The following LUC7L3 variants were observed in gnomAD, a reference collection of about 807,000 sequenced individuals.
LUC7L3 encodes luc7-like protein 3.
Under a neutral mutation model 66.8 loss-of-function variants are expected in LUC7L3, and 6 were observed. The observed-to-expected ratio is 0.09, with a 90% confidence interval of 0.05 to 0.18. The LOEUF (loss-of-function observed/expected upper bound fraction) is 0.18. Among genes scored for constraint, LUC7L3 ranks in the 10% least tolerant of loss-of-function variants. The probability of loss-of-function intolerance (pLI) is 1.00; values close to 1 mark genes in which losing one functional copy is unlikely to be tolerated. For synonymous variants in LUC7L3, 160 were observed against 174.7 expected (o/e 0.92, Z 0.66); for missense variants, 341 against 531.1 (o/e 0.64, Z 3.52).
At position 50,754,783 on chromosome 17, in the gene LUC7L3, G is replaced by A. The variant is rs761024104; in HGVS notation, c.*4122G>A. On this transcript the variant is annotated 3_prime_UTR_variant, in exon 10 of 10. Transcript: ENST00000505658. ...TTTACTCCCTCTCCTTAGGCATTCT[G>A]GTTCCTTAAATATAGTTAGTGTCAC... 4 of 152,002 alleles carry A rather than the reference G, an allele frequency of 2.6e-5. No individual in the cohort carries two copies. Among genetic ancestry groups the A allele is most frequent in the African/African-American group, 4.8e-5 (2 of 41,356 alleles). The allele number at this position is 152,002 out of a possible 1,614,324, so 9.4% of individuals were successfully genotyped here.
In LUC7L3 at chr17:50,751,465, A is replaced by G; in HGVS notation, c.*804A>G. 2 of 1,244,880 alleles carry G rather than the reference A, an allele frequency of 1.6e-6. No individual in the cohort carries two copies. The highest frequency in any genetic ancestry group is 1.0e-6 in the Non-Finnish European group (1 of 965,124). 77.1% of individuals were successfully genotyped at this position (1,244,880 alleles called of 1,614,324 possible). On this transcript the variant is annotated 3_prime_UTR_variant, in exon 10 of 10. Coordinates refer to ENST00000505658, the MANE Select transcript of LUC7L3 (RefSeq NM_016424.5). ...TTGTGTATCTTTTTTGTTCTTTACA[A>G]GAAGTGCAGAGGGGTTTTTTGTGTA...
rs1166376467 is a variant in LUC7L3 at position 50,752,158 on chromosome 17, ATGT to A, written c.*1501_*1503del. Reference sequence around the variant, plus strand: ...TTTCTCATAAAAATTGGCCTTTTACATGTTGTCTAATTATCATTTTTCCCCAAA... The same window carrying A: ...TTTCTCATAAAAATTGGCCTTTTACATGTCTAATTATCATTTTTCCCCAAA... On this transcript the variant is annotated 3_prime_UTR_variant, in exon 10 of 10. Transcript: ENST00000505658. The A allele has an allele frequency of 4.7e-6, 6 of 1,277,632 alleles. No individual in the cohort carries two copies. In the African/African-American group the frequency reaches 7.7e-5, roughly 16 times the overall value. The allele number at this position is 1,277,632 out of a possible 1,614,324, so 79.1% of individuals were successfully genotyped here.
intron 2 of LUC7L3, 52 bp from the exon 3 acceptor site, chr17:50,740,254 A>G: frequency 1.5e-6 from 2 of 1,350,442 alleles, no homozygotes; most frequent in African/African-American, 1.5e-5. Context: ...TTTGGCAAGA[A>G]AAGGTTGCTA....
Position 50,750,885 on chromosome 17 carries a change from G to C in LUC7L3, c.*224G>C. ...GTTTTGTCTCAGCTATTTTGTAGCAGACTCGTGCCCCCATTAGTGTGCCTC... is the reference window on the plus strand; with the variant it reads ...GTTTTGTCTCAGCTATTTTGTAGCACACTCGTGCCCCCATTAGTGTGCCTC... On this transcript the variant is annotated 3_prime_UTR_variant, in exon 10 of 10. Coordinates refer to ENST00000505658, the MANE Select transcript of LUC7L3 (RefSeq NM_016424.5). 6.5e-7 allele frequency: 1 copy of C among 1,536,304 alleles called. No homozygotes were observed. Among genetic ancestry groups the C allele is most frequent in the Non-Finnish European group, 8.7e-7 (1 of 1,146,880 alleles).
chr17:50,743,655 T>C (rs1475704559), intron 5 of LUC7L3, 51 bp from the exon 6 acceptor site: 1 of 1,166,610 alleles, frequency 8.6e-7, no homozygotes, highest in African/African-American at 1.5e-5. Context: ...AAAAAGACAA[T>C]AGTTGGGTTT....
chr17:50,728,373 T>C (rs907611947), intron 1 of LUC7L3, among the ~76,000 whole-genome samples: 8 of 152,328 alleles, frequency 5.3e-5, no homozygotes, highest in Admixed American at 5.2e-4. Context: ...CTATATGTTA[T>C]CAGGGACATA....
At chr17:50,748,899 A>G (rs1970844330) in intron 9 of LUC7L3, among the ~76,000 whole-genome samples, 1 of 148,582 alleles carries the variant, frequency 6.7e-6, no homozygotes. Context: ...AAAAAAAAAA[A>G]TACAGAAAAG....
chr17:50,721,959 A>T (rs1267578172), intron 1 of LUC7L3: 1 of 151,854 alleles, frequency 6.6e-6, no homozygotes, highest in African/African-American at 2.4e-5. Flanking sequence ...GGAAGCAACC[A>T]TTAATTAAAA....
Position 50,753,313 on chromosome 17 carries a change from A to T in LUC7L3, c.*2652A>T, listed in dbSNP as rs1012145322. The T allele has an allele frequency of 6.6e-6, 1 of 152,662 alleles. No individual in the cohort carries two copies. The highest frequency in any genetic ancestry group is 1.5e-5 in the Non-Finnish European group (1 of 68,036). 9.5% of individuals were successfully genotyped at this position (152,662 alleles called of 1,614,324 possible). On this transcript the variant is annotated 3_prime_UTR_variant, in exon 10 of 10. Transcript: ENST00000505658. ...TATAGGTAAAGAAACAGTGTGTTAAATGACTTATCCAGGGAGGGTCCTGTG... is the reference window on the plus strand; with the variant it reads ...TATAGGTAAAGAAACAGTGTGTTAATTGACTTATCCAGGGAGGGTCCTGTG...
rs917508449 is a variant in LUC7L3, at chr17:50,719,693, G to T, written c.-40G>T. 6 of 1,545,058 alleles carry T rather than the reference G, an allele frequency of 3.9e-6. No individual in the cohort carries two copies. Among genetic ancestry groups the T allele is most frequent in the East Asian group, 2.3e-5 (1 of 43,552 alleles). On this transcript the variant is annotated 5_prime_UTR_variant, in exon 1 of 10. Coordinates refer to ENST00000505658, the MANE Select transcript of LUC7L3 (RefSeq NM_016424.5). ...GTGTCGCCCGTGTTTTCGTTGGCGG[G>T]TGCCTGGGCTGGTGGGAACAGCCGC...
intron 6 of LUC7L3, among the ~76,000 whole-genome samples, chr17:50,744,026 T>G (rs1415278261): frequency 6.6e-6 from 1 of 152,228 alleles, no homozygotes; most frequent in Non-Finnish European, 1.5e-5. Context: ...TGTATCCCAA[T>G]AAAATGTTAG....
Position 50,745,931 on chromosome 17 carries a change from G to A in LUC7L3, c.905G>A (p.Arg302Gln), listed in dbSNP as rs751347372. The change falls in exon 8 of 10, where the codon CGA (arginine) becomes CAA (glutamine). Residue 302 changes from arginine to glutamine, a missense_variant. Coordinates refer to ENST00000505658, the MANE Select transcript of LUC7L3 (RefSeq NM_016424.5). ...CGTTCACGAAGTAGACACTCAAGCCGAACATCAGACAGAAGATGCAGCAGG... is the reference window on the plus strand; with the variant it reads ...CGTTCACGAAGTAGACACTCAAGCCAAACATCAGACAGAAGATGCAGCAGG... ...RSRSRSRHSS[R>Q]TSDRRCSRSR... 15 of 1,613,368 alleles carry A rather than the reference G, an allele frequency of 9.3e-6. No homozygotes were observed. The highest frequency in any genetic ancestry group is 3.3e-5 in the Admixed American group (2 of 59,826).
chr17:50,737,084 G>T, intron 2 of LUC7L3, 58 bp downstream of exon 2: 1 of 1,266,962 alleles, frequency 7.9e-7, no homozygotes, highest in South Asian at 1.3e-5. Flanking sequence ...ATGTTGAATA[G>T]GAGTGGTGAA....
intron 1 of LUC7L3, among the ~76,000 whole-genome samples, chr17:50,735,761 G>A (rs1347551270): frequency 6.6e-6 from 1 of 152,068 alleles, no homozygotes. Context: ...GCCTCCTAAT[G>A]TGTTGGGATT....
chr17:50,725,138 G>T (rs1037193700), intron 1 of LUC7L3, among the ~76,000 whole-genome samples: 2 of 149,200 alleles, frequency 1.3e-5, no homozygotes, highest in Non-Finnish European at 3.0e-5. Flanking sequence ...GGCTGGGAGC[G>T]GTGGCTCACG....
At chr17:50,724,869 C>T (rs1291914421) in intron 1 of LUC7L3, among the ~76,000 whole-genome samples, 3 of 148,962 alleles carry the variant, frequency 2.0e-5, no homozygotes, top group Non-Finnish European at 4.4e-5. Context: ...TCAAGCGATT[C>T]TCCTGCCTCA....
intron 1 of LUC7L3, among the ~76,000 whole-genome samples, chr17:50,734,292 C>T (rs990186778): frequency 6.6e-6 from 1 of 151,932 alleles, no homozygotes; most frequent in Non-Finnish European, 1.5e-5. Flanking sequence ...CTCAGCCTCC[C>T]GAGTAGTTGG....
intron 1 of LUC7L3, among the ~76,000 whole-genome samples, chr17:50,731,887 T>A (rs976183174): frequency 1.3e-5 from 2 of 152,130 alleles, no homozygotes; most frequent in African/African-American, 4.8e-5. Flanking sequence ...AGCGGACAGG[T>A]CTACGGAAAC....
At chr17:50,741,000 C>A in intron 3 of LUC7L3, 102 bp from the exon 4 acceptor site, 1 of 1,123,684 alleles carries the variant, frequency 8.9e-7, no homozygotes, top group Non-Finnish European at 1.3e-6. Flanking sequence ...GTTTACCCTG[C>A]AGCCTAAATG....
Sources: gnomAD v4.1 joint callset for allele counts (sites outside exome capture counted in the v4.1 genomes callset) on GRCh38, gnomAD v4.1.1 for gene constraint, MANE v1.5 for transcripts, NCBI Gene and HGNC (gene_info 2026-07-23, HGNC 2026-07-21) for gene names.